The following CDH18 variants were observed in gnomAD, a reference collection of about 807,000 sequenced individuals.
The protein encoded by CDH18 is cadherin 18.
In CDH18, 31 loss-of-function variants were observed where a neutral mutation model predicts 67.9. The ratio of observed to expected loss-of-function variants is 0.46; its 90% CI spans 0.34 to 0.62. The LOEUF is 0.62. Among genes scored for constraint, CDH18 ranks in the 20% least tolerant of loss-of-function variants. The pLI, the probability that CDH18 is intolerant of heterozygous loss-of-function variation, is 0.01. For synonymous variants in CDH18, 362 were observed against 347.2 expected, an observed-to-expected ratio of 1.04 and a Z score of -0.48; for missense variants, 890 against 975.5, an observed-to-expected ratio of 0.91 and a Z score of 1.17.
chr5:20,272,323 AAG>A (rs1745496492), intron 1 of CDH18, among the ~76,000 whole-genome samples: 1 of 152,082 alleles, frequency 6.6e-6, no homozygotes, highest in Admixed American at 6.6e-5. Flanking sequence ...ATGTGGGCTT[AAG>A]AGAGAAGGCA....
intron 3 of CDH18, among the ~76,000 whole-genome samples, chr5:19,752,840 G>A (rs1407106308): frequency 6.6e-6 from 1 of 152,074 alleles, no homozygotes; most frequent in Non-Finnish European, 1.5e-5. Flanking sequence ...ACCCACAGAC[G>A]GTTCACATCA....
intron 2 of CDH18, among the ~76,000 whole-genome samples, chr5:19,887,486 C>T (rs1788335975): frequency 6.6e-6 from 1 of 151,916 alleles, no homozygotes; most frequent in Non-Finnish European, 1.5e-5. Flanking sequence ...GAAACAAAAT[C>T]ATGATGTTAT....
At chr5:20,508,568 G>A (rs1196805288) in intron 1 of CDH18, among the ~76,000 whole-genome samples, 2 of 151,262 alleles carry the variant, frequency 1.3e-5, no homozygotes, top group Non-Finnish European at 3.0e-5. Flanking sequence ...TATTTTAGGT[G>A]GGAAATATTT....
chr5:20,359,990 G>A lies in CDH18; in HGVS notation c.-579-104485C>T, dbSNP rs1741957699. Among the ~76,000 whole-genome samples, 7 of 148,524 alleles carry A rather than the reference G, an allele frequency of 4.7e-5. No homozygotes were observed. The South Asian group carries it at 1.3e-3, about 27-fold the overall frequency. On this transcript the variant is annotated intron_variant, in intron 1 of 14. Transcript: ENST00000507958. ...TCCAATACATTATGCCACTTTATCA[G>A]TAATGATCAGTAGTTTAACAAGAAT...
At chr5:19,594,037 TTTTATG>T (rs1222665388) in intron 6 of CDH18, among the ~76,000 whole-genome samples, 1 of 152,100 alleles carries the variant, frequency 6.6e-6, no homozygotes, top group Admixed American at 6.6e-5. Flanking sequence ...CAGTTTCAGA[TTTTATG>T]TTTAACTTGT....
intron 1 of CDH18, among the ~76,000 whole-genome samples, chr5:20,295,322 C>T (rs543533208): frequency 3.3e-5 from 5 of 152,192 alleles, no homozygotes; most frequent in African/African-American, 9.6e-5. Flanking sequence ...AGGAATCAAC[C>T]GGACAAATTT....
chr5:20,282,293 G>A (rs1042751899), intron 1 of CDH18, among the ~76,000 whole-genome samples: 1 of 152,146 alleles, frequency 6.6e-6, no homozygotes, highest in African/African-American at 2.4e-5. Context: ...TCTCGTGCCA[G>A]TTTTCAAAGG....
At chr5:20,172,224 G>GTATATATATA (rs72180276) in intron 2 of CDH18, among the ~76,000 whole-genome samples, 2 of 19,528 alleles carry the variant, frequency 1.0e-4, no homozygotes, top group Admixed American at 8.3e-4. Flanking sequence ...ATATATATAT[G>GTATATATATA]TATATATATA....
At chr5:19,557,219 C>T (rs368377) in intron 8 of CDH18, among the ~76,000 whole-genome samples, 15,063 of 151,758 alleles carry the variant, frequency 0.099, 1,045 homozygotes, top group African/African-American at 0.19. Flanking sequence ...TATAAAACAA[C>T]AACACAATGA....
intron 4 of CDH18, among the ~76,000 whole-genome samples, chr5:19,725,920 G>T (rs372495532): frequency 6.6e-6 from 1 of 152,210 alleles, no homozygotes; most frequent in Non-Finnish European, 1.5e-5. Context: ...AAACTCCTCA[G>T]GTTTTGAAAT....
chr5:19,481,570 A>C (rs1041530986), intron 12 of CDH18, among the ~76,000 whole-genome samples: 7 of 152,150 alleles, frequency 4.6e-5, no homozygotes, highest in Admixed American at 4.6e-4. Flanking sequence ...TGAAGATTTT[A>C]TAATGGGACT....
intron 2 of CDH18, among the ~76,000 whole-genome samples, chr5:20,056,680 CTTTTTTT>C (rs397758122): frequency 1.4e-5 from 1 of 70,022 alleles, no homozygotes; most frequent in Non-Finnish European, 2.6e-5. Context: ...TCTATATTCT[CTTTTTTT>C]TTTTTTTTTT....
chr5:19,606,237 T>C (rs750556514), intron 6 of CDH18, among the ~76,000 whole-genome samples: 1 of 152,098 alleles, frequency 6.6e-6, no homozygotes, highest in Non-Finnish European at 1.5e-5. Flanking sequence ...CTTTGAAAGA[T>C]TGCACAATCA....
chr5:19,866,147 TTAA>T (rs1785463785), intron 2 of CDH18, among the ~76,000 whole-genome samples: 2 of 152,208 alleles, frequency 1.3e-5, no homozygotes, highest in African/African-American at 4.8e-5. Flanking sequence ...ACCAAGTCTC[TTAA>T]AACACATGAA....
chr5:20,128,483 C>T (rs897878371), intron 2 of CDH18, among the ~76,000 whole-genome samples: 1 of 152,040 alleles, frequency 6.6e-6, no homozygotes, highest in Non-Finnish European at 1.5e-5. Context: ...TACAGTGCTG[C>T]AGTGTTCTGA....
chr5:19,510,953 A>G (rs1478744888), intron 10 of CDH18, among the ~76,000 whole-genome samples: 1 of 152,008 alleles, frequency 6.6e-6, no homozygotes, highest in East Asian at 1.9e-4. Context: ...CTGGGATTAC[A>G]AGCACCTGCC....
chr5:20,435,864 CCT>C (rs1326202025), intron 1 of CDH18, among the ~76,000 whole-genome samples: 13 of 152,022 alleles, frequency 8.6e-5, no homozygotes. Context: ...ATCTGAGAAT[CCT>C]CTGTCAATTT....
At chr5:20,493,393 A>ATTTTTTT in intron 1 of CDH18, among the ~76,000 whole-genome samples, 1 of 118,120 alleles carries the variant, frequency 8.5e-6, no homozygotes, top group South Asian at 2.8e-4. Flanking sequence ...AAAGCAAAGA[A>ATTTTTTT]TTTTTTGTTT....
intron 2 of CDH18, among the ~76,000 whole-genome samples, chr5:20,152,972 T>C (rs1751241079): frequency 6.8e-6 from 1 of 146,172 alleles, no homozygotes. Flanking sequence ...AGACGGAGTC[T>C]TTTTCTGTTG....
Sources: gnomAD v4.1 joint callset for allele counts (sites outside exome capture counted in the v4.1 genomes callset) on GRCh38, gnomAD v4.1.1 for gene constraint, MANE v1.5 for transcripts, NCBI Gene and HGNC (gene_info 2026-07-23, HGNC 2026-07-21) for gene names.